TRPM3: variants seen among roughly 807,000 people sequenced by gnomAD.
The protein encoded by TRPM3 is long transient receptor potential channel 3.
In TRPM3, 77 loss-of-function variants were observed where a neutral mutation model predicts 181.2. The ratio of observed to expected loss-of-function variants is 0.42; its 90% CI spans 0.35 to 0.51. The LOEUF (loss-of-function observed/expected upper bound fraction) is 0.51. TRPM3 is among the 20% of genes least tolerant of loss of function. The pLI is 0.01. For synonymous variants in TRPM3, 745 were observed against 796.4 expected (o/e 0.94, Z 1.09); for missense variants, 1,759 against 2,196.7 (o/e 0.80, Z 3.98).
At chr9:70,759,060 TA>T (rs1232221968) in intron 8 of TRPM3, among the ~76,000 whole-genome samples, 1 of 152,026 alleles carries the variant, frequency 6.6e-6, no homozygotes, top group Non-Finnish European at 1.5e-5. Context: ...CAGAATGAGA[TA>T]AAATTTTTGC....
Position 70,752,012 on chromosome 9 carries a change from G to A in TRPM3, c.1272+9589C>T, listed in dbSNP as rs866518232. On this transcript the variant is annotated intron_variant, in intron 8 of 25. Coordinates refer to ENST00000677713, the MANE Select transcript of TRPM3 (RefSeq NM_001366145.2). ...CCACATCTCAACAGTGTGTGTGTGTGTGTGTGTGTGTGTGTGTGTGTGTGT... is the reference window on the plus strand; with the variant it reads ...CCACATCTCAACAGTGTGTGTGTGTATGTGTGTGTGTGTGTGTGTGTGTGT... Among the ~76,000 whole-genome samples the A allele has an allele frequency of 8.0e-3, 913 of 113,688 alleles. 9 individuals are homozygous for A. The highest frequency in any genetic ancestry group is 0.038 in the South Asian group (100 of 2,620). 74.6% of individuals were successfully genotyped at this position (113,688 alleles called of 152,430 possible).
At chr9:71,434,863 G>A (rs2094009511) in intron 1 of TRPM3, among the ~76,000 whole-genome samples, 1 of 152,018 alleles carries the variant, frequency 6.6e-6, no homozygotes, top group African/African-American at 2.4e-5. Context: ...GAGCAAAGGA[G>A]ACACTTTTAT....
At chr9:71,442,276 G>A (rs977641782) in intron 1 of TRPM3, among the ~76,000 whole-genome samples, 3 of 152,184 alleles carry the variant, frequency 2.0e-5, no homozygotes, top group Non-Finnish European at 4.4e-5. Flanking sequence ...GCTGTCTAAG[G>A]TTGAAAAACA....
At chr9:70,853,339 G>T (rs998385241) in intron 3 of TRPM3, among the ~76,000 whole-genome samples, 2 of 152,184 alleles carry the variant, frequency 1.3e-5, no homozygotes, top group South Asian at 4.1e-4. Flanking sequence ...GAACTTACCT[G>T]GGGACCTTGT....
chr9:71,188,212 T>A (rs1323010515), intron 1 of TRPM3, among the ~76,000 whole-genome samples: 8 of 151,940 alleles, frequency 5.3e-5, no homozygotes, highest in Non-Finnish European at 1.2e-4. Flanking sequence ...CCTGAAAGAC[T>A]GCACCAATTT....
At chr9:71,234,660 C>T (rs2081259585) in intron 1 of TRPM3, among the ~76,000 whole-genome samples, 1 of 152,184 alleles carries the variant, frequency 6.6e-6, no homozygotes, top group African/African-American at 2.4e-5. Flanking sequence ...ACACCAGTTA[C>T]ACCCACCTTA....
intron 1 of TRPM3, among the ~76,000 whole-genome samples, chr9:71,408,575 A>G (rs1301882562): frequency 6.6e-6 from 1 of 152,218 alleles, no homozygotes; most frequent in Admixed American, 6.5e-5. Flanking sequence ...AAAGAAATGA[A>G]CAAAGCCTCC....
At chr9:71,178,562 A>G (rs535789946) in intron 1 of TRPM3, among the ~76,000 whole-genome samples, 1 of 152,266 alleles carries the variant, frequency 6.6e-6, no homozygotes, top group African/African-American at 2.4e-5. Flanking sequence ...TTTGCAAATA[A>G]TTACTTTAAA....
At chr9:70,574,345 G>A (rs917781320) in intron 22 of TRPM3, among the ~76,000 whole-genome samples, 2 of 152,140 alleles carry the variant, frequency 1.3e-5, no homozygotes, top group African/African-American at 4.8e-5. Flanking sequence ...CTGGCAGGAG[G>A]AGTACCCTCC....
intron 1 of TRPM3, among the ~76,000 whole-genome samples, chr9:71,143,029 A>G (rs1419387116): frequency 1.3e-5 from 2 of 151,190 alleles, no homozygotes; most frequent in African/African-American, 4.9e-5. Context: ...ACATGCCTGT[A>G]GTTCCGGCTA....
intron 1 of TRPM3, among the ~76,000 whole-genome samples, chr9:71,196,142 CAT>C (rs535319595): frequency 4.2e-5 from 6 of 143,772 alleles, no homozygotes; most frequent in East Asian, 2.0e-4. Context: ...TGTACATACG[CAT>C]ATATATATAT....
chr9:71,167,389 A>G (rs2076590383), intron 1 of TRPM3, among the ~76,000 whole-genome samples: 1 of 152,112 alleles, frequency 6.6e-6, no homozygotes, highest in Non-Finnish European at 1.5e-5. Flanking sequence ...ATTGTACACT[A>G]GAAGACATGA....
chr9:71,004,131 C>G (rs2097647984), intron 1 of TRPM3, among the ~76,000 whole-genome samples: 1 of 152,180 alleles, frequency 6.6e-6, no homozygotes, highest in Non-Finnish European at 1.5e-5. Flanking sequence ...AACTGATGTG[C>G]AGGGTAGCTG....
At chr9:70,815,792 G>A (rs1034314014) in intron 6 of TRPM3, among the ~76,000 whole-genome samples, 2 of 152,000 alleles carry the variant, frequency 1.3e-5, no homozygotes, top group Non-Finnish European at 2.9e-5. Context: ...TTTCTAATAG[G>A]GTTTTTTAAC....
chr9:71,046,806 T>C (rs1406650492), intron 1 of TRPM3, among the ~76,000 whole-genome samples: 2 of 152,208 alleles, frequency 1.3e-5, no homozygotes, highest in African/African-American at 4.8e-5. Flanking sequence ...TAGGTATTTG[T>C]ATAGGAGAAC....
chr9:70,764,997 A>G (rs2078833976), intron 7 of TRPM3, among the ~76,000 whole-genome samples: 1 of 152,210 alleles, frequency 6.6e-6, no homozygotes, highest in Non-Finnish European at 1.5e-5. Flanking sequence ...GTAGCACGTC[A>G]TGGTTTAACA....
intron 1 of TRPM3, among the ~76,000 whole-genome samples, chr9:71,198,144 C>T (rs1439927843): frequency 6.6e-6 from 1 of 151,004 alleles, no homozygotes; most frequent in Non-Finnish European, 1.5e-5. Context: ...TTCCCCATTG[C>T]TTGTTTTTCT....
At chr9:71,328,133 C>T (rs985278628) in intron 1 of TRPM3, among the ~76,000 whole-genome samples, 1 of 151,628 alleles carries the variant, frequency 6.6e-6, no homozygotes, top group African/African-American at 2.4e-5. Flanking sequence ...GTCTCCAACC[C>T]CCTGTTTATA....
intron 1 of TRPM3, among the ~76,000 whole-genome samples, chr9:71,243,707 T>C (rs2081861926): frequency 6.6e-6 from 1 of 152,236 alleles, no homozygotes; most frequent in Admixed American, 6.5e-5. Context: ...AGCAATGTGC[T>C]GTAATCACAT....
Sources: gnomAD v4.1 joint callset for allele counts (sites outside exome capture counted in the v4.1 genomes callset) on GRCh38, gnomAD v4.1.1 for gene constraint, MANE v1.5 for transcripts, NCBI Gene and HGNC (gene_info 2026-07-23, HGNC 2026-07-21) for gene names.